LEPR: variants seen among roughly 807,000 people sequenced by gnomAD.
The protein encoded by LEPR is OB receptor.
LEPR carries 56 observed loss-of-function variants against 114.7 expected under a neutral mutation model. The ratio of observed to expected loss-of-function variants is 0.49; its 90% confidence interval spans 0.39 to 0.61. The LOEUF (loss-of-function observed/expected upper bound fraction) is 0.61, where lower values mean the gene tolerates loss of function less well. Among genes scored for constraint, LEPR ranks in the 20% least tolerant of loss-of-function variants. The pLI is 0.00. For missense variants in LEPR, 1,202 were observed against 1,352.9 expected (o/e 0.89, Z 1.75); for synonymous variants, 443 against 461.4 (o/e 0.96, Z 0.51).
intron 17 of LEPR, among the ~76,000 whole-genome samples, chr1:65,620,947 G>A (rs561867718): frequency 1.3e-5 from 2 of 152,254 alleles, no homozygotes; most frequent in African/African-American, 4.8e-5. Flanking sequence ...ATGCTTGGTG[G>A]TTCAAGAAAC....
intron 14 of LEPR, among the ~76,000 whole-genome samples, chr1:65,613,735 G>A (rs111912764): frequency 0.3 from 25,448 of 85,470 alleles, 4,667 homozygotes; most frequent in East Asian, 0.65. Context: ...AGTCCGGCCT[G>A]GGCAACAGAG....
intron 2 of LEPR, chr1:65,432,972 C>CA (rs749200688): frequency 2.7e-5 from 27 of 985,036 alleles, no homozygotes; most frequent in Non-Finnish European, 3.3e-5. Flanking sequence ...CTCTCTCCCC[C>CA]AAAAAAACAT....
At chr1:65,605,712 A>G (rs972764593) in intron 11 of LEPR, among the ~76,000 whole-genome samples, 6 of 152,202 alleles carry the variant, frequency 3.9e-5, no homozygotes, top group African/African-American at 1.4e-4. Context: ...GAGGAAATAG[A>G]CAACAATGAC....
At chr1:65,586,598 T>G (rs1655334252) in intron 5 of LEPR, among the ~76,000 whole-genome samples, 1 of 152,060 alleles carries the variant, frequency 6.6e-6, no homozygotes, top group South Asian at 2.1e-4. Flanking sequence ...AATTTGAATT[T>G]CATGTATCAT....
At chr1:65,576,888 C>T (rs757066445) in intron 5 of LEPR, 3 of 339,272 alleles carry the variant, frequency 8.8e-6, no homozygotes, top group African/African-American at 2.3e-5. Flanking sequence ...CAAGTTTTCT[C>T]CTCTCCAGAT....
chr1:65,440,962 G>T (rs1042987666), intron 2 of LEPR, among the ~76,000 whole-genome samples: 5 of 152,184 alleles, frequency 3.3e-5, no homozygotes, highest in African/African-American at 9.7e-5. Flanking sequence ...AATGCATTTT[G>T]TTCAGGGACA....
chr1:65,484,957 G>A (rs577503444), intron 2 of LEPR, among the ~76,000 whole-genome samples: 2 of 152,292 alleles, frequency 1.3e-5, no homozygotes, highest in African/African-American at 4.8e-5. Flanking sequence ...GTCAGTGAAA[G>A]GAACTATCTT....
intron 2 of LEPR, among the ~76,000 whole-genome samples, chr1:65,485,507 C>G (rs1647440562): frequency 6.6e-6 from 1 of 152,066 alleles, no homozygotes; most frequent in South Asian, 2.1e-4. Flanking sequence ...CTTTCTGTTG[C>G]CATAGAGAGC....
Position 65,592,642 on chromosome 1 carries a change from T to C in LEPR, c.495-15T>C, listed in dbSNP as rs756030155. 7.4e-6 allele frequency: 12 copies of C among 1,612,424 alleles called. No homozygotes were observed. Among genetic ancestry groups the C allele is most frequent in the African/African-American group, 1.3e-5 (1 of 74,868 alleles). On this transcript the variant is annotated splice_polypyrimidine_tract_variant and intron_variant, in intron 5 of 19. Coordinates refer to ENST00000349533, the MANE Select transcript of LEPR (RefSeq NM_002303.6). ...CATATCTGTTTTAATATTTAGCTCT[T>C]ATTTTTCAATATAGGCCTGAAGTGT...
intron 2 of LEPR, among the ~76,000 whole-genome samples, chr1:65,543,112 C>G (rs1651365191): frequency 6.6e-6 from 1 of 152,018 alleles, no homozygotes; most frequent in Non-Finnish European, 1.5e-5. Context: ...TCCGCATCCT[C>G]TCCAGCATCT....
At chr1:65,457,988 A>C (rs1646898759) in intron 2 of LEPR, among the ~76,000 whole-genome samples, 2 of 152,344 alleles carry the variant, frequency 1.3e-5, no homozygotes, top group South Asian at 4.1e-4. Context: ...CCTATGATAC[A>C]TGAATACCTA....
chr1:65,426,838 A>C (rs189394657), intron 2 of LEPR, among the ~76,000 whole-genome samples: 3 of 152,210 alleles, frequency 2.0e-5, no homozygotes, highest in Admixed American at 2.0e-4. Context: ...CTCTACTAAA[A>C]ATACAAAAAA....
chr1:65,422,671 G>A (rs1185521417), intron 1 of LEPR, among the ~76,000 whole-genome samples: 1 of 152,220 alleles, frequency 6.6e-6, no homozygotes, highest in Non-Finnish European at 1.5e-5. Flanking sequence ...ATCCCAAGTG[G>A]GGAGGACAGC....
chr1:65,546,265 G>C (rs1651711440), intron 2 of LEPR, among the ~76,000 whole-genome samples: 1 of 152,100 alleles, frequency 6.6e-6, no homozygotes, highest in African/African-American at 2.4e-5. Flanking sequence ...TTGTTCTTTT[G>C]GCTTAGGATT....
chr1:65,535,149 A>G (rs887433487), intron 2 of LEPR, among the ~76,000 whole-genome samples: 2 of 151,988 alleles, frequency 1.3e-5, no homozygotes, highest in Non-Finnish European at 1.5e-5. Flanking sequence ...ATGTGTGTGC[A>G]TGTGTGTGTG....
intron 2 of LEPR, among the ~76,000 whole-genome samples, chr1:65,534,728 C>T (rs1650638444): frequency 6.6e-6 from 1 of 152,150 alleles, no homozygotes; most frequent in Non-Finnish European, 1.5e-5. Flanking sequence ...CCAATACTGT[C>T]TATAAAGTTT....
chr1:65,455,518 C>G (rs1413969948), intron 2 of LEPR, among the ~76,000 whole-genome samples: 1 of 152,176 alleles, frequency 6.6e-6, no homozygotes, highest in Non-Finnish European at 1.5e-5. Context: ...CCCTCAGCTG[C>G]AGGTCTGTTG....
chr1:65,471,325 G>C (rs531227664), intron 2 of LEPR, among the ~76,000 whole-genome samples: 8 of 152,246 alleles, frequency 5.3e-5, no homozygotes, highest in Admixed American at 4.6e-4. Context: ...AAGGGGTTGT[G>C]GGGTCAGGGC....
intron 11 of LEPR, among the ~76,000 whole-genome samples, chr1:65,606,156 A>G (rs927977261): frequency 2.0e-5 from 3 of 152,158 alleles, no homozygotes; most frequent in African/African-American, 7.2e-5. Flanking sequence ...ACACGATAAG[A>G]TTGTCTTAAT....
Sources: gnomAD v4.1 joint callset for allele counts (sites outside exome capture counted in the v4.1 genomes callset) on GRCh38, gnomAD v4.1.1 for gene constraint, MANE v1.5 for transcripts, NCBI Gene and HGNC (gene_info 2026-07-23, HGNC 2026-07-21) for gene names.